The following PDE4D variants were observed in gnomAD, a reference collection of about 807,000 sequenced individuals.
The protein encoded by PDE4D is phosphodiesterase 4D.
Under a neutral mutation model 87.4 loss-of-function variants are expected in PDE4D, and 24 were observed. The ratio of observed to expected loss-of-function variants is 0.27; its 90% CI spans 0.20 to 0.39. The LOEUF is 0.39. Among genes scored for constraint, PDE4D ranks in the 10% least tolerant of loss-of-function variants. The probability of loss-of-function intolerance (pLI) is 1.00; values close to 1 mark genes in which losing one functional copy is unlikely to be tolerated. For missense variants in PDE4D, 714 were observed against 1,041.0 expected, an observed-to-expected ratio of 0.69 and a Z score of 4.32; for synonymous variants, 384 against 383.2, an observed-to-expected ratio of 1.00 and a Z score of -0.02.
In PDE4D at chr5:59,068,024, T is replaced by C. The variant is rs553785332; in HGVS notation, c.809-29053A>G. On this transcript the variant is annotated intron_variant, in intron 5 of 14. Coordinates refer to ENST00000340635, the MANE Select transcript of PDE4D (RefSeq NM_001104631.2). ...CTAAGACTATCGTAATGAAGTTCAA[T>C]TGTAGATCTTGAAGTGACAAAACAT... 4.0e-4 allele frequency among the ~76,000 whole-genome samples: 61 copies of C among 152,098 alleles called. 1 individual carries two copies. Among genetic ancestry groups the C allele is most frequent in the African/African-American group, 1.4e-3 (60 of 41,478 alleles).
intron 1 of PDE4D, among the ~76,000 whole-genome samples, chr5:59,527,188 T>C (rs529165076): frequency 6.6e-6 from 1 of 152,338 alleles, no homozygotes; most frequent in Admixed American, 6.5e-5. Context: ...CAAGTGTGTT[T>C]ACAACATTTA....
intron 6 of PDE4D, among the ~76,000 whole-genome samples, chr5:59,029,430 A>AC (rs1014852238): frequency 4.0e-5 from 6 of 151,266 alleles, no homozygotes; most frequent in African/African-American, 1.5e-4. Context: ...AAAAAAAAAA[A>AC]AAAAAAACTT....
chr5:58,998,876 C>G (rs189295454), intron 6 of PDE4D, among the ~76,000 whole-genome samples: 8 of 152,182 alleles, frequency 5.3e-5, no homozygotes, highest in Admixed American at 4.6e-4. Flanking sequence ...AAAAGCCTGC[C>G]AAGCATGGAC....
chr5:59,284,245 A>G (rs2153550068), intron 1 of PDE4D, among the ~76,000 whole-genome samples: 1 of 152,276 alleles, frequency 6.6e-6, no homozygotes, highest in South Asian at 2.1e-4. Context: ...TCAATTTATC[A>G]GCACCATATG....
chr5:59,104,937 G>C lies in PDE4D; in HGVS notation c.809-65966C>G, dbSNP rs78502620. The stretch of plus-strand genomic sequence containing the variant: ...CCACTGCAGAGGAGTAAAGCACTTT[G>C]AACTACAGGCATTTTGTACACCCAA... On this transcript the variant is annotated intron_variant, in intron 5 of 14. Coordinates refer to ENST00000340635, the MANE Select transcript of PDE4D (RefSeq NM_001104631.2). Among the ~76,000 whole-genome samples, 1,231 of 152,266 alleles carry C rather than the reference G, an allele frequency of 8.1e-3. 47 individuals carry two copies. The East Asian group carries it at 0.12, about 15-fold the overall frequency.
intron 1 of PDE4D, among the ~76,000 whole-genome samples, chr5:59,762,379 T>TATGGGTACAC (rs1244597792): frequency 1.5e-5 from 2 of 133,628 alleles, no homozygotes; most frequent in South Asian, 2.2e-4. Flanking sequence ...CACATGTGTA[T>TATGGGTACAC]ATGTGTATAT....
At chr5:59,419,248 T>A (rs535046809) in intron 1 of PDE4D, among the ~76,000 whole-genome samples, 6 of 152,206 alleles carry the variant, frequency 3.9e-5, no homozygotes, top group African/African-American at 1.4e-4. Context: ...AAAGTCCTTA[T>A]GTAGTTATAA....
intron 1 of PDE4D, among the ~76,000 whole-genome samples, chr5:59,748,347 C>A (rs1475330683): frequency 6.6e-6 from 1 of 152,144 alleles, no homozygotes; most frequent in African/African-American, 2.4e-5. Flanking sequence ...AAGACACATG[C>A]ACATGTATGT....
intron 1 of PDE4D, among the ~76,000 whole-genome samples, chr5:59,891,869 CAG>C (rs1751006728): frequency 6.6e-6 from 1 of 152,156 alleles, no homozygotes; most frequent in African/African-American, 2.4e-5. Flanking sequence ...TACTGTCAAT[CAG>C]AGTTGGACAA....
At position 60,399,315 on chromosome 5, in the gene PDE4D, G is replaced by A. The variant is rs573334287; in HGVS notation, c.-90+88627C>T. ...CTTGAAATACAGACTATTAATAAGG[G>A]GCTTAAAAGAATAAAGATGTCAGCA... On this transcript the variant is annotated intron_variant, in intron 1 of 16. Coordinates refer to the PDE4D transcript ENST00000502484. Among the ~76,000 whole-genome samples the A allele has an allele frequency of 8.1e-4, 123 of 152,138 alleles. 1 individual carries two copies. The highest frequency in any genetic ancestry group is 2.8e-3 in the African/African-American group (118 of 41,500).
At chr5:59,007,604 G>C (rs888257108) in intron 6 of PDE4D, among the ~76,000 whole-genome samples, 1 of 152,004 alleles carries the variant, frequency 6.6e-6, no homozygotes, top group Non-Finnish European at 1.5e-5. Context: ...CTAGTATTCT[G>C]AAAACATCGT....
At chr5:59,567,391 G>A (rs1821121481) in intron 1 of PDE4D, among the ~76,000 whole-genome samples, 1 of 152,124 alleles carries the variant, frequency 6.6e-6, no homozygotes, top group Admixed American at 6.5e-5. Flanking sequence ...AGATTTATAG[G>A]TAAAGAAGTC....
intron 1 of PDE4D, among the ~76,000 whole-genome samples, chr5:59,781,434 G>A (rs2152627955): frequency 6.6e-6 from 1 of 152,124 alleles, no homozygotes; most frequent in Middle Eastern, 3.4e-3. Context: ...CAGACATGAT[G>A]TACAACTTTA....
chr5:59,892,277 A>AT (rs1751064365), intron 1 of PDE4D, among the ~76,000 whole-genome samples: 1 of 152,188 alleles, frequency 6.6e-6, no homozygotes, highest in African/African-American at 2.4e-5. Context: ...AACTTCTACT[A>AT]AAACTCCCGG....
At chr5:60,429,964 A>G (rs887722606) in intron 1 of PDE4D, 1 of 518,072 alleles carries the variant, frequency 1.9e-6, no homozygotes, top group Non-Finnish European at 3.9e-6. Context: ...GTAGGCAACC[A>G]AAGTATAGAG....
At chr5:60,093,160 T>C (rs1448341225) in intron 2 of PDE4D, among the ~76,000 whole-genome samples, 3 of 152,150 alleles carry the variant, frequency 2.0e-5, no homozygotes, top group Admixed American at 2.0e-4. Context: ...GATATTGCCA[T>C]CAAACAAAAA....
intron 1 of PDE4D, among the ~76,000 whole-genome samples, chr5:60,349,473 G>A (rs1759003225): frequency 6.6e-6 from 1 of 152,064 alleles, no homozygotes; most frequent in Non-Finnish European, 1.5e-5. Flanking sequence ...TTCATCAGTA[G>A]GGCAAATTTA....
chr5:59,737,451 C>T (rs1448938727), intron 1 of PDE4D, among the ~76,000 whole-genome samples: 3 of 151,990 alleles, frequency 2.0e-5, no homozygotes, highest in Non-Finnish European at 4.4e-5. Flanking sequence ...GTGACCTGGG[C>T]AAGTTCCTTA....
intron 1 of PDE4D, among the ~76,000 whole-genome samples, chr5:59,688,023 C>T (rs298075): frequency 0.42 from 64,388 of 151,912 alleles, 14,272 homozygotes; most frequent in East Asian, 0.69. Flanking sequence ...AGCTAACTAT[C>T]CTAAATATAT....
Sources: allele counts gnomAD v4.1 joint callset (sites outside exome capture counted in the v4.1 genomes callset), GRCh38; gene constraint gnomAD v4.1.1; transcripts MANE v1.5; gene names NCBI Gene and HGNC (gene_info 2026-07-23, HGNC 2026-07-21).